The following MALRD1 variants were observed in gnomAD, a reference collection of about 807,000 sequenced individuals.
The protein encoded by MALRD1 is MAM and LDL-receptor class A domain-containing protein 1.
Under a neutral mutation model 242.1 loss-of-function variants are expected in MALRD1, and 247 were observed. The observed-to-expected ratio is 1.02, with a 90% CI of 0.92 to 1.13. The LOEUF is 1.13. MALRD1 is among the 50% of genes most tolerant of loss of function. The pLI is 0.00. For synonymous variants in MALRD1, 995 were observed against 866.6 expected (o/e 1.15, Z -2.60); for missense variants, 2,989 against 2,533.1 (o/e 1.18, Z -3.86).
intron 26 of MALRD1, among the ~76,000 whole-genome samples, chr10:19,353,119 G>A (rs755621254): frequency 3.0e-4 from 45 of 151,684 alleles, no homozygotes; most frequent in Non-Finnish European, 1.9e-4. Flanking sequence ...TGATCCTCCC[G>A]CCTCAGCCTC....
chr10:19,544,506 G>C (rs1466949810), intron 32 of MALRD1, among the ~76,000 whole-genome samples: 9 of 151,904 alleles, frequency 5.9e-5, no homozygotes, highest in Non-Finnish European at 8.8e-5. Context: ...TCTTTAGATG[G>C]GTTGGCTAGA....
chr10:19,541,489 C>T (rs765567831), intron 32 of MALRD1, among the ~76,000 whole-genome samples: 7 of 152,156 alleles, frequency 4.6e-5, no homozygotes, highest in African/African-American at 7.2e-5. Flanking sequence ...ACATTGAAAT[C>T]ATTTGTACAA....
At position 19,209,346 on chromosome 10, in the gene MALRD1, G is replaced by C. The variant is rs1220721039; in HGVS notation, c.2657G>C (p.Arg886Thr). 6.4e-6 allele frequency: 10 copies of C among 1,550,600 alleles called. No individual in the cohort carries two copies. In the East Asian group the frequency reaches 2.4e-4, roughly 38 times the overall value. Residue 886 changes from arginine (R) to threonine (T), a missense_variant, in exon 18 of 40, where the codon AGG (arginine) becomes ACG (threonine). By Grantham distance (71) the Arg-to-Thr change is moderately conservative. Coordinates refer to ENST00000454679, the MANE Select transcript of MALRD1 (RefSeq NM_001142308.3). The stretch of plus-strand genomic sequence containing the variant: ...GCAAAAGATGACTTTGATTGGACCA[G>C]GAGCCAGGGTCCAACTCCAACACTT... ...QDAKDDFDWT[R>T]SQGPTPTLNT...
intron 17 of MALRD1, among the ~76,000 whole-genome samples, chr10:19,207,594 G>A (rs1027037013): frequency 3.3e-5 from 5 of 152,034 alleles, no homozygotes; most frequent in African/African-American, 7.2e-5. Flanking sequence ...TCTGCCTCCC[G>A]GGTTCAAGCG....
chr10:19,159,577 A>G (rs1452264684), intron 12 of MALRD1, among the ~76,000 whole-genome samples: 2 of 152,046 alleles, frequency 1.3e-5, no homozygotes, highest in Admixed American at 6.6e-5. Context: ...GTCCACAGGG[A>G]AGTTGAGAAA....
intron 21 of MALRD1, among the ~76,000 whole-genome samples, chr10:19,295,864 G>C (rs1294063414): frequency 6.6e-6 from 1 of 152,256 alleles, no homozygotes; most frequent in East Asian, 1.9e-4. Flanking sequence ...TTCTGATTTA[G>C]TAGGTCTGGG....
chr10:19,686,083 G>C (rs1026176682), intron 36 of MALRD1, among the ~76,000 whole-genome samples: 4 of 152,140 alleles, frequency 2.6e-5, no homozygotes, highest in African/African-American at 7.2e-5. Context: ...TCAGAAGAAA[G>C]AGTTCCACCG....
Position 19,292,892 on chromosome 10 carries a change from CAAAAAAAAA to C in MALRD1, c.3419+9726_3419+9734del, listed in dbSNP as rs57002523. On this transcript the variant is annotated intron_variant, in intron 21 of 39. Coordinates refer to ENST00000454679, the MANE Select transcript of MALRD1 (RefSeq NM_001142308.3). ...TGGGCAACAGAGCGAGACTCTGCCT[CAAAAAAAAA>C]AAAAAAAAAAAAAATGCAAACTATG... 2.2e-4 allele frequency among the ~76,000 whole-genome samples: 16 copies of C among 72,858 alleles called. No individual in the cohort carries two copies. In the East Asian group the frequency reaches 3.5e-3, roughly 16 times the overall value. 47.8% of individuals were successfully genotyped at this position (72,858 alleles called of 152,430 possible). A position where few individuals can be genotyped will look rare whatever the true frequency, so the allele number is the denominator to read the frequency against.
intron 32 of MALRD1, among the ~76,000 whole-genome samples, chr10:19,562,282 G>A (rs764228533): frequency 4.0e-5 from 6 of 149,648 alleles, no homozygotes; most frequent in Admixed American, 2.7e-4. Flanking sequence ...GCAACAGAGC[G>A]AGATGCTGTC....
chr10:19,433,233 A>T (rs931248690), intron 28 of MALRD1, among the ~76,000 whole-genome samples: 1 of 152,222 alleles, frequency 6.6e-6, no homozygotes, highest in Non-Finnish European at 1.5e-5. Context: ...GCAGGGAGGC[A>T]TGCCTTTGTT....
At chr10:19,213,709 C>A (rs1375112733) in intron 18 of MALRD1, among the ~76,000 whole-genome samples, 1 of 152,110 alleles carries the variant, frequency 6.6e-6, no homozygotes, top group Admixed American at 6.5e-5. Flanking sequence ...GTTACTGTTG[C>A]GTCTCTGCTA....
At chr10:19,540,464 A>AT (rs1834915209) in intron 32 of MALRD1, among the ~76,000 whole-genome samples, 1 of 152,198 alleles carries the variant, frequency 6.6e-6, no homozygotes, top group South Asian at 2.1e-4. Flanking sequence ...AGCAATATGA[A>AT]TAAGGAACCA....
intron 29 of MALRD1, among the ~76,000 whole-genome samples, chr10:19,464,749 G>A (rs975378976): frequency 1.3e-5 from 2 of 152,084 alleles, no homozygotes; most frequent in Non-Finnish European, 1.5e-5. Context: ...CTGTGAAAAT[G>A]ATGGTGGTAT....
chr10:19,398,173 C>A (rs964441205), intron 28 of MALRD1, among the ~76,000 whole-genome samples: 1 of 151,862 alleles, frequency 6.6e-6, no homozygotes, highest in African/African-American at 2.4e-5. Context: ...TTGGTGCAAT[C>A]TCATTTGTCT....
At chr10:19,513,506 G>T (rs1007523336) in intron 31 of MALRD1, among the ~76,000 whole-genome samples, 3 of 150,860 alleles carry the variant, frequency 2.0e-5, no homozygotes, top group African/African-American at 7.3e-5. Context: ...TTGGGAGGCC[G>T]AGGCGGGCGG....
At chr10:19,648,675 C>G (rs57968785) in intron 36 of MALRD1, among the ~76,000 whole-genome samples, 15,221 of 152,162 alleles carry the variant, frequency 0.1, 1,922 homozygotes, top group African/African-American at 0.29. Context: ...AAAAAAGCAG[C>G]CAATACAAAC....
At chr10:19,477,616 G>A (rs1836799168) in intron 29 of MALRD1, among the ~76,000 whole-genome samples, 1 of 152,158 alleles carries the variant, frequency 6.6e-6, no homozygotes, top group Admixed American at 6.5e-5. Flanking sequence ...AAGGGTGGAG[G>A]TTTAATAGGC....
intron 32 of MALRD1, among the ~76,000 whole-genome samples, chr10:19,561,392 TG>T (rs1490271737): frequency 6.6e-6 from 1 of 152,210 alleles, no homozygotes; most frequent in Non-Finnish European, 1.5e-5. Context: ...TGCTGCCCTC[TG>T]ATCTGCCAAT....
chr10:19,325,629 G>A (rs1000084241), intron 22 of MALRD1, among the ~76,000 whole-genome samples: 1 of 152,046 alleles, frequency 6.6e-6, no homozygotes, highest in Admixed American at 6.6e-5. Flanking sequence ...CATAGCTTAT[G>A]TGTTTCTTTC....
Sources: allele counts gnomAD v4.1 joint callset (sites outside exome capture counted in the v4.1 genomes callset), GRCh38; gene constraint gnomAD v4.1.1; transcripts MANE v1.5; gene names NCBI Gene and HGNC (gene_info 2026-07-23, HGNC 2026-07-21).